CHSY3: variants seen among roughly 807,000 people sequenced by gnomAD.
CHSY3 encodes N-acetylgalactosaminyl-proteoglycan 3-beta-glucuronosyltransferase 3.
In CHSY3, 35 loss-of-function variants were observed where a neutral mutation model predicts 67.2. The ratio of observed to expected loss-of-function variants is 0.52; its 90% CI spans 0.40 to 0.69. The LOEUF (loss-of-function observed/expected upper bound fraction) is 0.69, where lower values mean the gene tolerates loss of function less well. CHSY3 is among the 30% of genes least tolerant of loss of function. The pLI is 0.00. For synonymous variants in CHSY3, 474 were observed against 434.7 expected, an observed-to-expected ratio of 1.09 and a Z score of -1.12; for missense variants, 1,069 against 1,138.5, an observed-to-expected ratio of 0.94 and a Z score of 0.88.
chr5:130,153,111 G>A (rs1268718227), intron 2 of CHSY3, among the ~76,000 whole-genome samples: 1 of 151,988 alleles, frequency 6.6e-6, no homozygotes, highest in Non-Finnish European at 1.5e-5. Context: ...CACACCTGTG[G>A]TCCTGGCTAC....
chr5:130,015,774 C>T (rs1764202838), intron 2 of CHSY3, among the ~76,000 whole-genome samples: 1 of 152,174 alleles, frequency 6.6e-6, no homozygotes, highest in Non-Finnish European at 1.5e-5. Flanking sequence ...TGTAAAGATA[C>T]ATGCCCCTGA....
chr5:129,989,344 C>T (rs1200526514), intron 2 of CHSY3, among the ~76,000 whole-genome samples: 1 of 150,402 alleles, frequency 6.6e-6, no homozygotes, highest in Non-Finnish European at 1.5e-5. Flanking sequence ...TCAGTGCAAC[C>T]TCTGCCTCCG....
At chr5:129,905,884 C>CGG in intron 1 of CHSY3, 2 of 785,900 alleles carry the variant, frequency 2.5e-6, no homozygotes, top group South Asian at 2.3e-5. Context: ...GTTTTCGGTG[C>CGG]CGCCTCGCGC....
chr5:130,012,531 G>A (rs184968509), intron 2 of CHSY3, among the ~76,000 whole-genome samples: 188 of 152,270 alleles, frequency 1.2e-3, no homozygotes, highest in South Asian at 5.4e-3. Flanking sequence ...GAGACCTCAG[G>A]AAACTTACAA....
chr5:130,179,476 A>C (rs911091662), intron 2 of CHSY3, among the ~76,000 whole-genome samples: 1 of 151,910 alleles, frequency 6.6e-6, no homozygotes, highest in African/African-American at 2.4e-5. Flanking sequence ...ATAGCTTTCC[A>C]CAGTGCCTAT....
intron 2 of CHSY3, among the ~76,000 whole-genome samples, chr5:130,146,851 T>G (rs1769089564): frequency 6.6e-6 from 1 of 152,180 alleles, no homozygotes; most frequent in African/African-American, 2.4e-5. Flanking sequence ...TGGAGTGCAA[T>G]GGCGCGATCT....
intron 2 of CHSY3, among the ~76,000 whole-genome samples, chr5:129,959,563 G>A (rs1762272473): frequency 6.6e-6 from 1 of 152,092 alleles, no homozygotes; most frequent in South Asian, 2.1e-4. Context: ...TCGTTAAATA[G>A]GGAGGAATAA....
chr5:129,951,527 A>T (rs1034333610), intron 2 of CHSY3, among the ~76,000 whole-genome samples: 52 of 152,330 alleles, frequency 3.4e-4, no homozygotes, highest in African/African-American at 1.1e-3. Flanking sequence ...TGCTTTTTTT[A>T]AATTAATAAT....
chr5:129,970,142 GC>G (rs1423620623), intron 2 of CHSY3, among the ~76,000 whole-genome samples: 1 of 151,808 alleles, frequency 6.6e-6, no homozygotes, highest in Non-Finnish European at 1.5e-5. Context: ...CTCCACGTCA[GC>G]CTTTTGTTTG....
chr5:130,184,994 G>T lies in CHSY3; in HGVS notation c.1852G>T (p.Glu618Ter). The change falls in exon 3 of 3, where the codon GAA (glutamate) becomes TAA (stop). Residue 618 changes from glutamate (E) to a stop codon, truncating the protein, a stop_gained. Transcript: ENST00000305031. LOFTEE classifies it high-confidence loss of function. ...QGAKEMGGHN[E>*]KKVHILVPLI... The stretch of plus-strand genomic sequence containing the variant: ...TGCCAAAGAAATGGGAGGGCACAAT[G>T]AAAAGAAAGTACACATTCTCGTTCC... The T allele has an allele frequency of 6.4e-7, 1 of 1,558,090 alleles. No homozygotes were observed. The highest frequency in any genetic ancestry group is 1.1e-5 in the South Asian group (1 of 89,944).
Position 130,143,752 on chromosome 5 carries a change from ATATATGTGTGTGTGTG to A in CHSY3, c.1087-40471_1087-40456del, listed in dbSNP as rs1561557084. ...TGTGTGTGTATATATATATATATAT[ATATATGTGTGTGTGTG>A]TATATATATATATGTGTATATATAT... On this transcript the variant is annotated intron_variant, in intron 2 of 2. Transcript: ENST00000305031. Among the ~76,000 whole-genome samples the A allele has an allele frequency of 1.8e-4, 22 of 119,248 alleles. No homozygotes were observed. The South Asian group carries it at 3.7e-3, about 20-fold the overall frequency. The allele number at this position is 119,248 out of a possible 152,430, so 78.2% of individuals were successfully genotyped here.
rs1483556319 is a variant in CHSY3, at chr5:130,123,083, A to C, written c.1087-61146A>C. On this transcript the variant is annotated intron_variant, in intron 2 of 2. Coordinates refer to ENST00000305031, the MANE Select transcript of CHSY3 (RefSeq NM_175856.5). ...TGCCTCCATAAGGTGCAAGAAAAAA[A>C]AAAACGCAAGTTAAATAGAGCCATT... 7.2e-5 allele frequency among the ~76,000 whole-genome samples: 11 copies of C among 152,324 alleles called. No homozygotes were observed. In the South Asian group the frequency reaches 1.7e-3, roughly 23 times the overall value.
intron 2 of CHSY3, among the ~76,000 whole-genome samples, chr5:130,138,078 C>CA (rs1169727089): frequency 4.0e-4 from 60 of 148,206 alleles, no homozygotes; most frequent in African/African-American, 7.4e-4. Context: ...ATACAAAATA[C>CA]AAAAAAAAAA....
At position 129,956,037 on chromosome 5, in the gene CHSY3, G is replaced by T. The variant is rs116029462; in HGVS notation, c.1086+47677G>T. 3.4e-3 allele frequency among the ~76,000 whole-genome samples: 513 copies of T among 152,128 alleles called. 2 individuals are homozygous for T. Among genetic ancestry groups the T allele is most frequent in the Admixed American group, 5.1e-3 (78 of 15,274 alleles). ...ACCATAGAACAATTTATATTCCTTT[G>T]GGTATATGATCAGTAATGGGATTGC... On this transcript the variant is annotated intron_variant, in intron 2 of 2. Transcript: ENST00000305031.
intron 2 of CHSY3, among the ~76,000 whole-genome samples, chr5:130,060,718 G>C (rs530312339): frequency 9.1e-4 from 138 of 152,178 alleles, no homozygotes; most frequent in Non-Finnish European, 1.6e-3. Flanking sequence ...AAAGTTTCAG[G>C]ATACAAAAAT....
intron 2 of CHSY3, among the ~76,000 whole-genome samples, chr5:130,092,079 T>A (rs934633898): frequency 1.3e-5 from 2 of 152,144 alleles, no homozygotes; most frequent in African/African-American, 4.8e-5. Context: ...TGCTGAGCCC[T>A]CTGAAGGCCC....
rs188445225 is a variant in CHSY3 at position 130,138,347 on chromosome 5, G to A, written c.1087-45882G>A. ...GAGGTAGGCATAGGCTGTCAGCAAG[G>A]TAGGTCATACAGGGTAGGCAGGCTT... On this transcript the variant is annotated intron_variant, in intron 2 of 2. Transcript: ENST00000305031. Among the ~76,000 whole-genome samples the A allele has an allele frequency of 2.4e-4, 36 of 152,312 alleles. No individual in the cohort carries two copies. In the East Asian group the frequency reaches 5.4e-3, roughly 23 times the overall value.
At chr5:129,928,548 CTT>C (rs750422856) in intron 2 of CHSY3, among the ~76,000 whole-genome samples, 71 of 152,016 alleles carry the variant, frequency 4.7e-4, no homozygotes, top group Non-Finnish European at 8.4e-4. Context: ...GGAACAAAGA[CTT>C]ATTGTAGCAT....
intron 2 of CHSY3, among the ~76,000 whole-genome samples, chr5:130,177,686 T>C (rs1770097566): frequency 1.3e-5 from 2 of 152,162 alleles, no homozygotes; most frequent in East Asian, 3.9e-4. Flanking sequence ...ATCCTCTGCC[T>C]CAAGGCTCTA....
Sources: gnomAD v4.1 joint callset for allele counts (sites outside exome capture counted in the v4.1 genomes callset) on GRCh38, gnomAD v4.1.1 for gene constraint, MANE v1.5 for transcripts, NCBI Gene and HGNC (gene_info 2026-07-23, HGNC 2026-07-21) for gene names.